PPM1H: variants seen among roughly 807,000 people sequenced by gnomAD.
PPM1H encodes the protein protein phosphatase 1H.
In PPM1H, 27 loss-of-function variants were observed where a neutral mutation model predicts 54.9. The ratio of observed to expected loss-of-function variants is 0.49; its 90% CI spans 0.36 to 0.68. The LOEUF (loss-of-function observed/expected upper bound fraction) is 0.68. PPM1H is among the 30% of genes least tolerant of loss of function. PPM1H has a pLI of 0.00. For missense variants in PPM1H, 596 were observed against 667.8 expected (o/e 0.89, Z 1.19); for synonymous variants, 305 against 270.8 (o/e 1.13, Z -1.24).
chr12:62,889,402 A>G (rs1453323862), intron 1 of PPM1H, among the ~76,000 whole-genome samples: 3 of 152,220 alleles, frequency 2.0e-5, no homozygotes, highest in African/African-American at 4.8e-5. Context: ...TACTTGCTAT[A>G]GTCCTAACTA....
chr12:62,928,506 C>T (rs1345088564), intron 1 of PPM1H, among the ~76,000 whole-genome samples: 2 of 152,200 alleles, frequency 1.3e-5, no homozygotes, highest in Non-Finnish European at 2.9e-5. Flanking sequence ...ATGAAAATCA[C>T]AGTTAAATAA....
chr12:62,717,448 A>G (rs2076241329), intron 6 of PPM1H, among the ~76,000 whole-genome samples: 1 of 147,852 alleles, frequency 6.8e-6, no homozygotes, highest in African/African-American at 2.6e-5. Context: ...GACCATGCTA[A>G]TGCAGAGAGA....
intron 3 of PPM1H, among the ~76,000 whole-genome samples, chr12:62,793,531 C>A (rs2120720818): frequency 6.6e-6 from 1 of 152,058 alleles, no homozygotes; most frequent in African/African-American, 2.4e-5. Flanking sequence ...TGGAGACCAG[C>A]TTGACCAACA....
At chr12:62,854,522 C>A (rs1464282916) in intron 1 of PPM1H, among the ~76,000 whole-genome samples, 4 of 152,114 alleles carry the variant, frequency 2.6e-5, no homozygotes, top group Admixed American at 2.6e-4. Context: ...AGCTCAGTTT[C>A]TCCACCTAAA....
At chr12:62,874,044 A>T (rs1203482499) in intron 1 of PPM1H, among the ~76,000 whole-genome samples, 1 of 152,174 alleles carries the variant, frequency 6.6e-6, no homozygotes, top group Non-Finnish European at 1.5e-5. Flanking sequence ...GTGTGCTAGG[A>T]GATGCAGCTA....
chr12:62,906,360 A>AGG, intron 1 of PPM1H, among the ~76,000 whole-genome samples: 1 of 152,240 alleles, frequency 6.6e-6, no homozygotes, highest in Non-Finnish European at 1.5e-5. Context: ...TATGTTTCAT[A>AGG]ATCACTGGAT....
At chr12:62,730,234 G>A (rs2076313898) in intron 5 of PPM1H, among the ~76,000 whole-genome samples, 1 of 152,112 alleles carries the variant, frequency 6.6e-6, no homozygotes, top group Admixed American at 6.5e-5. Flanking sequence ...CCTGTTTGGT[G>A]GTCTCTTCAC....
At chr12:62,849,547 A>G (rs147235710) in intron 1 of PPM1H, among the ~76,000 whole-genome samples, 184 of 152,264 alleles carry the variant, frequency 1.2e-3, no homozygotes, top group Middle Eastern at 6.8e-3. Flanking sequence ...TAGAAGGAAA[A>G]CCAAGGGTCC....
At chr12:62,872,297 G>A (rs1357478374) in intron 1 of PPM1H, among the ~76,000 whole-genome samples, 1 of 152,178 alleles carries the variant, frequency 6.6e-6, no homozygotes, top group Non-Finnish European at 1.5e-5. Context: ...CATGGTTCTA[G>A]ATGCTACATT....
intron 9 of PPM1H, among the ~76,000 whole-genome samples, chr12:62,661,040 G>T (rs1453689909): frequency 6.6e-6 from 1 of 151,938 alleles, no homozygotes; most frequent in Non-Finnish European, 1.5e-5. Context: ...GAGATCATGG[G>T]CCCCTGCTGA....
rs1040394909 is a variant in PPM1H, at chr12:62,844,494, A to T, written c.246-12215T>A. Reference sequence around the variant, plus strand: ...AGCCACATTCCCCTCAAGGCTCAAGATAACTTAAAGTTCCAACAGCTTTAA... The same window carrying T: ...AGCCACATTCCCCTCAAGGCTCAAGTTAACTTAAAGTTCCAACAGCTTTAA... On this transcript the variant is annotated intron_variant, in intron 1 of 9. Transcript: ENST00000228705. The surrounding 1 kb of genome is among the most constrained non-coding windows in gnomAD (Gnocchi z 5.2). 2.6e-5 allele frequency among the ~76,000 whole-genome samples: 4 copies of T among 152,224 alleles called. No homozygotes were observed. The highest frequency in any genetic ancestry group is 9.6e-5 in the African/African-American group (4 of 41,456).
chr12:62,820,639 G>C (rs1474347883), intron 2 of PPM1H, among the ~76,000 whole-genome samples: 2 of 152,194 alleles, frequency 1.3e-5, no homozygotes, highest in Non-Finnish European at 2.9e-5. Context: ...GTCTGGAGTG[G>C]AACTCCAGGA....
At chr12:62,649,464 G>C (rs973269443) in intron 9 of PPM1H, among the ~76,000 whole-genome samples, 1 of 152,122 alleles carries the variant, frequency 6.6e-6, no homozygotes, top group East Asian at 1.9e-4. Context: ...TATGGGCCTG[G>C]GTTAGCCCTG....
At chr12:62,739,933 G>A (rs923779268) in intron 4 of PPM1H, among the ~76,000 whole-genome samples, 1 of 152,104 alleles carries the variant, frequency 6.6e-6, no homozygotes, top group African/African-American at 2.4e-5. Flanking sequence ...CTTCCTGACC[G>A]GAGCTCCTCT....
chr12:62,680,649 C>G (rs950221632), intron 8 of PPM1H, among the ~76,000 whole-genome samples: 1 of 152,190 alleles, frequency 6.6e-6, no homozygotes, highest in South Asian at 2.1e-4. Flanking sequence ...CCAGCCCAGA[C>G]AGGTCTTCAG....
intron 1 of PPM1H, among the ~76,000 whole-genome samples, chr12:62,850,168 T>G (rs79192040): frequency 9.2e-5 from 14 of 152,022 alleles, no homozygotes; most frequent in African/African-American, 3.4e-4. Context: ...GGTTTCACCA[T>G]GTTGTTCAGG....
intron 2 of PPM1H, among the ~76,000 whole-genome samples, chr12:62,810,063 T>A (rs1405386686): frequency 6.6e-6 from 1 of 152,140 alleles, no homozygotes; most frequent in African/African-American, 2.4e-5. Context: ...TCTCATTTGC[T>A]CTGGTATTCC....
intron 8 of PPM1H, 25 bp from the exon 9 acceptor site, chr12:62,667,354 A>G: frequency 6.6e-7 from 1 of 1,519,296 alleles, no homozygotes; most frequent in Non-Finnish European, 8.9e-7. Flanking sequence ...GAATACTACC[A>G]CTTAAGAAAT....
chr12:62,698,616 A>C (rs1423791780), intron 6 of PPM1H, among the ~76,000 whole-genome samples: 1 of 152,114 alleles, frequency 6.6e-6, no homozygotes, highest in African/African-American at 2.4e-5. Flanking sequence ...GAAAACACTT[A>C]AGATGTGGTC....
Sources: allele counts gnomAD v4.1 joint callset (sites outside exome capture counted in the v4.1 genomes callset), GRCh38; gene constraint gnomAD v4.1.1; non-coding constraint Gnocchi (gnomAD v3.1); transcripts MANE v1.5; gene names NCBI Gene and HGNC (gene_info 2026-07-23, HGNC 2026-07-21).